Variants in PLXDC2 observed in about 807,000 individuals in gnomAD.
PLXDC2 encodes plexin domain-containing protein 2.
Under a neutral mutation model 68.9 loss-of-function variants are expected in PLXDC2, and 40 were observed. The observed-to-expected ratio is 0.58, with a 90% CI of 0.45 to 0.76. The LOEUF (loss-of-function observed/expected upper bound fraction) is 0.76, where lower values mean the gene tolerates loss of function less well. Among genes scored for constraint, PLXDC2 ranks in the 30% least tolerant of loss-of-function variants. The pLI is 0.00. For synonymous variants in PLXDC2, 243 were observed against 234.2 expected (o/e 1.04, Z -0.34); for missense variants, 644 against 661.9 (o/e 0.97, Z 0.30).
intron 1 of PLXDC2, among the ~76,000 whole-genome samples, chr10:19,910,000 C>T (rs1422041098): frequency 6.6e-6 from 1 of 152,100 alleles, no homozygotes; most frequent in East Asian, 1.9e-4. Context: ...AACATAAAAT[C>T]AAAAATCCGT....
At chr10:19,855,575 A>G (rs1331033772) in intron 1 of PLXDC2, among the ~76,000 whole-genome samples, 1 of 152,186 alleles carries the variant, frequency 6.6e-6, no homozygotes, top group Non-Finnish European at 1.5e-5. Context: ...GAATATTTGC[A>G]TTATACTTAG....
At chr10:19,829,898 G>T (rs963671552) in intron 1 of PLXDC2, among the ~76,000 whole-genome samples, 2 of 152,162 alleles carry the variant, frequency 1.3e-5, no homozygotes, top group Non-Finnish European at 2.9e-5. Flanking sequence ...CAGAGAAAGG[G>T]ATACTTTAAT....
chr10:20,217,007 A>G (rs761139774), intron 10 of PLXDC2, among the ~76,000 whole-genome samples: 2 of 152,244 alleles, frequency 1.3e-5, no homozygotes, highest in Non-Finnish European at 2.9e-5. Context: ...TAGCATTGTC[A>G]GTTTGATACG....
intron 13 of PLXDC2, among the ~76,000 whole-genome samples, chr10:20,253,565 CT>C (rs1227200897): frequency 6.6e-6 from 1 of 152,034 alleles, no homozygotes; most frequent in Non-Finnish European, 1.5e-5. Flanking sequence ...ATCAAAATAT[CT>C]GCCTTTACTG....
intron 1 of PLXDC2, among the ~76,000 whole-genome samples, chr10:19,863,468 T>G (rs1258637977): frequency 6.6e-6 from 1 of 152,180 alleles, no homozygotes; most frequent in African/African-American, 2.4e-5. Context: ...ATATTGTATA[T>G]TAGACAGAAC....
intron 9 of PLXDC2, among the ~76,000 whole-genome samples, chr10:20,199,067 C>T (rs1834882520): frequency 6.6e-6 from 1 of 151,852 alleles, no homozygotes; most frequent in Non-Finnish European, 1.5e-5. Context: ...AAAATCCAGT[C>T]AATAGTTAAA....
intron 7 of PLXDC2, among the ~76,000 whole-genome samples, chr10:20,169,653 A>G (rs1834420585): frequency 6.6e-6 from 1 of 152,078 alleles, no homozygotes; most frequent in South Asian, 2.1e-4. Context: ...CTGTTTCTCT[A>G]CTTTCCGAGC....
intron 1 of PLXDC2, among the ~76,000 whole-genome samples, chr10:19,989,430 C>T (rs1231389694): frequency 6.6e-6 from 1 of 152,044 alleles, no homozygotes; most frequent in Non-Finnish European, 1.5e-5. Flanking sequence ...ATGGTAGACA[C>T]AAATTGTCCA....
intron 3 of PLXDC2, among the ~76,000 whole-genome samples, chr10:20,051,183 T>C (rs1396198782): frequency 5.3e-5 from 8 of 151,578 alleles, no homozygotes; most frequent in Admixed American, 1.3e-4. Flanking sequence ...AGCTAAAAGA[T>C]GAGAAGTTAT....
intron 3 of PLXDC2, among the ~76,000 whole-genome samples, chr10:20,060,611 C>T (rs1036191312): frequency 5.3e-5 from 8 of 151,888 alleles, no homozygotes; most frequent in African/African-American, 9.7e-5. Flanking sequence ...GCTTGCTGCT[C>T]TGTTAGCCCA....
chr10:20,016,164 C>T (rs1835206071), intron 2 of PLXDC2, among the ~76,000 whole-genome samples: 2 of 152,216 alleles, frequency 1.3e-5, no homozygotes, highest in African/African-American at 4.8e-5. Context: ...AGATTGGAAT[C>T]TCCTTGAGAA....
chr10:20,175,687 G>C (rs1191358275), intron 7 of PLXDC2, among the ~76,000 whole-genome samples: 1 of 151,934 alleles, frequency 6.6e-6, no homozygotes, highest in Non-Finnish European at 1.5e-5. Context: ...ACAAAATTAA[G>C]TGGGTATGGT....
At chr10:20,190,236 A>G (rs1432367399) in intron 9 of PLXDC2, among the ~76,000 whole-genome samples, 1 of 151,976 alleles carries the variant, frequency 6.6e-6, no homozygotes, top group Non-Finnish European at 1.5e-5. Context: ...ACAAACATAT[A>G]TGGAGTATCT....
intron 4 of PLXDC2, among the ~76,000 whole-genome samples, chr10:20,068,646 T>C (rs1836260513): frequency 6.7e-6 from 1 of 148,492 alleles, no homozygotes; most frequent in Non-Finnish European, 1.5e-5. Flanking sequence ...TACATATATA[T>C]GCACTTACAC....
intron 4 of PLXDC2, among the ~76,000 whole-genome samples, chr10:20,132,622 C>G (rs752229401): frequency 6.6e-6 from 1 of 151,948 alleles, no homozygotes; most frequent in Non-Finnish European, 1.5e-5. Flanking sequence ...GATTTAACAT[C>G]TCTTTTGTCT....
Position 20,164,482 on chromosome 10 carries a change from C to T in PLXDC2, c.798C>T (p.Val266=). ...TTTTTTTCCAGATTCCTGTCTTGGT[C>T]ACACAGATAAGTTCAACCAATCATC... The part of the protein sequence containing the change: ...IFGYKEIPVL[V]TQISSTNHPV... The change falls in exon 7 of 14, where the codon GTC becomes GTT. Residue 266 remains valine, a synonymous_variant. Transcript: ENST00000377252. The T allele has an allele frequency of 6.2e-7, 1 of 1,612,794 alleles. No individual in the cohort carries two copies. Among genetic ancestry groups the T allele is most frequent in the Non-Finnish European group, 8.5e-7 (1 of 1,179,050 alleles).
At chr10:19,997,218 T>C (rs937030754) in intron 1 of PLXDC2, among the ~76,000 whole-genome samples, 2 of 152,238 alleles carry the variant, frequency 1.3e-5, no homozygotes, top group African/African-American at 2.4e-5. Flanking sequence ...TGGAGTAGTC[T>C]AGTTTATCGA....
chr10:20,148,439 T>C (rs777392549), intron 6 of PLXDC2, among the ~76,000 whole-genome samples: 14 of 152,152 alleles, frequency 9.2e-5, no homozygotes, highest in Non-Finnish European at 2.1e-4. Flanking sequence ...ATTAGAGACC[T>C]AAGTGACAGA....
rs139555757 is a variant in PLXDC2, at chr10:20,284,022, A to T, written c.*4203A>T. ...AAATTTGATCACGTCCCTAGTGTCT[A>T]TTGCCCACTTGAGAAAGGTTTTGCC... On this transcript the variant is annotated 3_prime_UTR_variant, in exon 14 of 14. Coordinates refer to ENST00000377252, the MANE Select transcript of PLXDC2 (RefSeq NM_032812.9). 1 of 152,178 alleles carries T rather than the reference A, an allele frequency of 6.6e-6. No individual in the cohort carries two copies. The highest frequency in any genetic ancestry group is 2.1e-4 in the South Asian group (1 of 4,816). The allele number at this position is 152,178 out of a possible 1,614,324, so 9.4% of individuals were successfully genotyped here. A position where few individuals can be genotyped will look rare whatever the true frequency, so the allele number is the denominator to read the frequency against.
Sources: allele counts gnomAD v4.1 joint callset (sites outside exome capture counted in the v4.1 genomes callset), GRCh38; gene constraint gnomAD v4.1.1; transcripts MANE v1.5; gene names NCBI Gene and HGNC (gene_info 2026-07-23, HGNC 2026-07-21).